CLSTN1: variants seen among roughly 807,000 people sequenced by gnomAD.
CLSTN1 encodes the protein calsyntenin 1.
Under a neutral mutation model 108.3 loss-of-function variants are expected in CLSTN1, and 28 were observed. That is an observed-to-expected ratio of 0.26 (90% confidence interval 0.19 to 0.35). The LOEUF is 0.35. Ranked by LOEUF, CLSTN1 falls within the 10% of genes least tolerant of loss-of-function variation. The pLI is 1.00. For synonymous variants in CLSTN1, 524 were observed against 534.9 expected (o/e 0.98, Z 0.28); for missense variants, 1,157 against 1,302.6 (o/e 0.89, Z 1.72).
chr1:9,794,523 G>T (rs902397116), intron 1 of CLSTN1, among the ~76,000 whole-genome samples: 2 of 151,344 alleles, frequency 1.3e-5, no homozygotes, highest in South Asian at 2.2e-4. Flanking sequence ...TGGCCATGCT[G>T]GTCTCGAACT....
intron 1 of CLSTN1, among the ~76,000 whole-genome samples, chr1:9,814,177 A>G (rs1244098579): frequency 2.0e-5 from 3 of 150,112 alleles, no homozygotes; most frequent in Non-Finnish European, 4.4e-5. Flanking sequence ...TGGGAGGCTG[A>G]GGCAGGGAGA....
Position 9,753,543 on chromosome 1 carries a change from G to A in CLSTN1, c.440+1571C>T, listed in dbSNP as rs777148463. On this transcript the variant is annotated intron_variant, in intron 4 of 18. Transcript: ENST00000377298. ...TTTCATTCTTTTTGCCCAGGCTGGA[G>A]TGCAATGATGTGATCTTGGCTCAGT... Among the ~76,000 whole-genome samples the A allele has an allele frequency of 2.6e-5, 4 of 151,600 alleles. No individual in the cohort carries two copies. The South Asian group carries it at 6.3e-4, about 24-fold the overall frequency.
intron 1 of CLSTN1, among the ~76,000 whole-genome samples, chr1:9,821,036 C>T (rs111264341): frequency 4.5e-4 from 68 of 152,318 alleles, no homozygotes; most frequent in Non-Finnish European, 8.5e-4. Context: ...ATTTTCTCTG[C>T]TTCACTGTTC....
At position 9,730,779 on chromosome 1, in the gene CLSTN1, C is replaced by T. The variant is rs1050891533; in HGVS notation, c.2749-74G>A. ...CCGTCACCTGGCATTCTCCTCTCGA[C>T]AGCCACAGAGGAAGGAGAACTTGCC... is the stretch of plus-strand genomic sequence containing the variant. On this transcript the variant is annotated intron_variant, in intron 18 of 18. Transcript: ENST00000377298. The surrounding 1 kb of genome is among the most constrained non-coding windows in gnomAD (Gnocchi z 5.6). 4 of 1,385,770 alleles carry T rather than the reference C, an allele frequency of 2.9e-6. No individual in the cohort carries two copies. The highest frequency in any genetic ancestry group is 1.4e-5 in the African/African-American group (1 of 69,878). The allele number at this position is 1,385,770 out of a possible 1,614,324, so 85.8% of individuals were successfully genotyped here. A position where few individuals can be genotyped will look rare whatever the true frequency, so the allele number is the denominator to read the frequency against.
intron 15 of CLSTN1, 136 bp downstream of exon 15, chr1:9,733,836 C>T (rs1650535705): frequency 1.1e-6 from 1 of 909,240 alleles, no homozygotes; most frequent in Non-Finnish European, 1.7e-6. Flanking sequence ...AACAATGATC[C>T]CAGCGAACGT....
chr1:9,749,337 G>T (rs1431596822), intron 7 of CLSTN1, 124 bp downstream of exon 7: 4 of 1,028,178 alleles, frequency 3.9e-6, no homozygotes, highest in Non-Finnish European at 4.2e-6. Context: ...GTTCACTTCA[G>T]AAATGCAGAT....
intron 1 of CLSTN1, among the ~76,000 whole-genome samples, chr1:9,785,195 A>T (rs1653429111): frequency 6.6e-6 from 1 of 152,024 alleles, no homozygotes; most frequent in Non-Finnish European, 1.5e-5. Context: ...TTTAGCGGAG[A>T]CAGGGTTTCA....
chr1:9,729,421 G>C lies in CLSTN1; in HGVS notation c.*1087C>G, dbSNP rs1391895604. 1 of 152,640 alleles carries C rather than the reference G, an allele frequency of 6.6e-6. No homozygotes were observed. 9.5% of individuals were successfully genotyped at this position (152,640 alleles called of 1,614,324 possible). On this transcript the variant is annotated 3_prime_UTR_variant, in exon 19 of 19. Coordinates refer to ENST00000377298, the MANE Select transcript of CLSTN1 (RefSeq NM_001009566.3). Reference sequence around the variant, plus strand: ...GGGATTTCAACCCCCCTGATGGCAGGGGGTGCTCTGGGGAGGAGAGAGGAG... The same window carrying C: ...GGGATTTCAACCCCCCTGATGGCAGCGGGTGCTCTGGGGAGGAGAGAGGAG...
chr1:9,792,179 A>G (rs988248522), intron 1 of CLSTN1, among the ~76,000 whole-genome samples: 2 of 151,020 alleles, frequency 1.3e-5, no homozygotes, highest in African/African-American at 4.8e-5. Flanking sequence ...GCGAGACTCC[A>G]CTTCAAGGGG....
intron 1 of CLSTN1, among the ~76,000 whole-genome samples, chr1:9,782,580 T>C (rs558613985): frequency 2.0e-4 from 31 of 152,314 alleles, no homozygotes; most frequent in African/African-American, 7.2e-4. Flanking sequence ...TTTTTAGGGT[T>C]ATGGTAGATT....
chr1:9,735,487 G>A lies in CLSTN1; in HGVS notation c.1863C>T (p.Leu621=). The change falls in exon 13 of 19, where the codon CTC becomes CTT. Residue 621 remains leucine (L), a synonymous_variant. Transcript: ENST00000377298. The part of the protein sequence containing the change: ...RQFPTPGIRR[L]KITSTIKCFN... Reference sequence around the variant, plus strand: ...CGTACTTGATTGTGCTGGTGATTTTGAGTCTGCGAATTCCGGGCGTGGGGA... The same window carrying A: ...CGTACTTGATTGTGCTGGTGATTTTAAGTCTGCGAATTCCGGGCGTGGGGA... 1 of 1,614,206 alleles carries A rather than the reference G, an allele frequency of 6.2e-7. No individual in the cohort carries two copies. Among genetic ancestry groups the A allele is most frequent in the Non-Finnish European group, 8.5e-7 (1 of 1,180,042 alleles).
rs752996639 is a variant in CLSTN1 at position 9,749,746 on chromosome 1, G to A, written c.799+18C>T. 2 of 1,613,784 alleles carry A rather than the reference G, an allele frequency of 1.2e-6. No individual in the cohort carries two copies. The highest frequency in any genetic ancestry group is 1.1e-5 in the South Asian group (1 of 91,024). On this transcript the variant is annotated intron_variant, in intron 6 of 18. Coordinates refer to ENST00000377298, the MANE Select transcript of CLSTN1 (RefSeq NM_001009566.3). Reference sequence around the variant, plus strand: ...TTTTAAGAGCAGATGTGAGCGCAGGGGAGAGAATGAAGCTCACCTTGCCAC... The same window carrying A: ...TTTTAAGAGCAGATGTGAGCGCAGGAGAGAGAATGAAGCTCACCTTGCCAC...
At chr1:9,737,991 C>A (rs897925172) in intron 10 of CLSTN1, among the ~76,000 whole-genome samples, 26 of 152,136 alleles carry the variant, frequency 1.7e-4, no homozygotes, top group Admixed American at 1.6e-3. Context: ...ACTGCGCAGA[C>A]AAAAAGGCAT....
chr1:9,745,325 T>C (rs1282051548), intron 7 of CLSTN1, among the ~76,000 whole-genome samples: 2 of 152,154 alleles, frequency 1.3e-5, no homozygotes, highest in Non-Finnish European at 2.9e-5. Flanking sequence ...CAGTCCTCCT[T>C]TGGTAAATAT....
chr1:9,742,970 T>C (rs138324824), intron 9 of CLSTN1, among the ~76,000 whole-genome samples: 1,604 of 152,298 alleles, frequency 0.011, 10 homozygotes, highest in Middle Eastern at 0.017. Context: ...CACTATCATA[T>C]ACTTTTTCCT....
chr1:9,811,451 A>C (rs544534937), intron 1 of CLSTN1, among the ~76,000 whole-genome samples: 1 of 152,148 alleles, frequency 6.6e-6, no homozygotes, highest in Non-Finnish European at 1.5e-5. Context: ...GCTGGTATCA[A>C]TGGATATTTA....
rs1166103024 is a variant in CLSTN1, at chr1:9,798,124, GAGAGGGGA to G, written c.92-24738_92-24731del. Among the ~76,000 whole-genome samples, 245 of 132,068 alleles carry G rather than the reference GAGAGGGGA, an allele frequency of 1.9e-3. 2 individuals carry two copies. Among genetic ancestry groups the G allele is most frequent in the African/African-American group, 5.9e-3 (202 of 33,990 alleles). 86.6% of individuals were successfully genotyped at this position (132,068 alleles called of 152,430 possible). ...AAAGAAAGAGAGAGGGAGAGAGGGAGAGAGGGGAAGAGGGGAAGAGGGGAAGAGGGAGG... is the reference window on the plus strand; with the variant it reads ...AAAGAAAGAGAGAGGGAGAGAGGGAGAGAGGGGAAGAGGGGAAGAGGGAGG... On this transcript the variant is annotated intron_variant, in intron 1 of 18. Transcript: ENST00000377298.
chr1:9,745,437 G>A (rs540322648), intron 7 of CLSTN1, among the ~76,000 whole-genome samples: 1 of 152,064 alleles, frequency 6.6e-6, no homozygotes, highest in Admixed American at 6.5e-5. Context: ...CACACAGATT[G>A]CTTGAGCCCA....
chr1:9,747,176 C>CAAAAAAAA (rs70998306), intron 7 of CLSTN1, among the ~76,000 whole-genome samples: 3 of 32,744 alleles, frequency 9.2e-5, no homozygotes, highest in East Asian at 1.2e-3. Context: ...GAGACTGTCT[C>CAAAAAAAA]AAAAAAAAAA....
Sources: allele counts gnomAD v4.1 joint callset (sites outside exome capture counted in the v4.1 genomes callset), GRCh38; gene constraint gnomAD v4.1.1; non-coding constraint Gnocchi (gnomAD v3.1); transcripts MANE v1.5; gene names NCBI Gene and HGNC (gene_info 2026-07-23, HGNC 2026-07-21).